Variants in CA10 observed in about 807,000 individuals in gnomAD.
CA10 encodes the protein carbonic anhydrase 10 (inactive).
A neutral mutation model predicts 44.2 loss-of-function variants in CA10; 14 were observed. That is an observed-to-expected ratio of 0.32 (90% CI 0.21 to 0.50). The LOEUF is 0.50. CA10 is among the 20% of genes least tolerant of loss of function. The pLI is 0.99. For missense variants in CA10, 350 were observed against 409.7 expected (o/e 0.85, Z 1.26); for synonymous variants, 159 against 141.6 (o/e 1.12, Z -0.87).
intron 1 of CA10, among the ~76,000 whole-genome samples, chr17:52,087,569 A>G (rs1365868321): frequency 6.6e-6 from 1 of 152,254 alleles, no homozygotes; most frequent in Non-Finnish European, 1.5e-5. Flanking sequence ...CTTTTCTTCA[A>G]CAGCAAATAT....
chr17:51,772,469 C>G lies in CA10; in HGVS notation c.280-24651G>C, dbSNP rs544803102. 2.6e-5 allele frequency among the ~76,000 whole-genome samples: 4 copies of G among 152,166 alleles called. No individual in the cohort carries two copies. In the South Asian group the frequency reaches 8.3e-4, roughly 32 times the overall value. ...GGCTGTTTTTGATATATATATATCC[C>G]TAACATTTCATGTTTCAGTAATTAA... On this transcript the variant is annotated intron_variant, in intron 3 of 8. Coordinates refer to ENST00000451037, the MANE Select transcript of CA10 (RefSeq NM_020178.5).
intron 3 of CA10, among the ~76,000 whole-genome samples, chr17:51,838,648 T>C (rs1314488301): frequency 6.6e-6 from 1 of 152,246 alleles, no homozygotes; most frequent in Non-Finnish European, 1.5e-5. Flanking sequence ...AAAACTTCCA[T>C]AGAAATTCAA....
intron 3 of CA10, among the ~76,000 whole-genome samples, chr17:51,819,379 C>T (rs1181154688): frequency 1.3e-5 from 2 of 152,124 alleles, no homozygotes; most frequent in Admixed American, 6.5e-5. Flanking sequence ...TGGTGGCTCC[C>T]GAGATCCATG....
intron 2 of CA10, among the ~76,000 whole-genome samples, chr17:51,937,876 A>G (rs1982928859): frequency 6.6e-6 from 1 of 152,120 alleles, no homozygotes. Context: ...TTTTAATCCT[A>G]TTGCTTTAGG....
At chr17:51,947,110 C>T (rs1598133280) in intron 2 of CA10, among the ~76,000 whole-genome samples, 1 of 148,950 alleles carries the variant, frequency 6.7e-6, no homozygotes. Flanking sequence ...TCTACTTGGC[C>T]TTTATAATGT....
At chr17:51,661,456 C>G (rs1914004810) in intron 4 of CA10, 2 of 152,192 alleles carry the variant, frequency 1.3e-5, no homozygotes, top group South Asian at 4.1e-4. Flanking sequence ...GAGCAAGTCT[C>G]TCATCTATAA....
intron 2 of CA10, among the ~76,000 whole-genome samples, chr17:51,932,002 A>G (rs1264688762): frequency 6.6e-6 from 1 of 152,126 alleles, no homozygotes; most frequent in Non-Finnish European, 1.5e-5. Flanking sequence ...CTCTGGATCC[A>G]TGTGTCCTTC....
intron 4 of CA10, among the ~76,000 whole-genome samples, chr17:51,716,251 G>A (rs1916110794): frequency 6.6e-6 from 1 of 152,126 alleles, no homozygotes; most frequent in Non-Finnish European, 1.5e-5. Context: ...TCCAGCAAAT[G>A]AGATCGAGTG....
intron 1 of CA10, among the ~76,000 whole-genome samples, chr17:52,146,556 G>A (rs1989590267): frequency 6.6e-6 from 1 of 152,040 alleles, no homozygotes. Context: ...CGGCCGTGGT[G>A]GCGGGCGCCT....
chr17:51,682,856 G>T (rs1305754857), intron 4 of CA10, among the ~76,000 whole-genome samples: 2 of 152,132 alleles, frequency 1.3e-5, no homozygotes, highest in Admixed American at 1.3e-4. Context: ...ACAGTGGCGG[G>T]TGCTTGATAC....
At chr17:51,964,614 C>G (rs779882983) in intron 2 of CA10, among the ~76,000 whole-genome samples, 1 of 151,534 alleles carries the variant, frequency 6.6e-6, no homozygotes, top group Non-Finnish European at 1.5e-5. Flanking sequence ...ATCCCCTGCC[C>G]CCAACAGCAC....
At chr17:51,977,258 C>T (rs976303180) in intron 2 of CA10, among the ~76,000 whole-genome samples, 1 of 151,770 alleles carries the variant, frequency 6.6e-6, no homozygotes, top group African/African-American at 2.4e-5. Flanking sequence ...TGACCAATAC[C>T]TCTCATGAAC....
chr17:52,147,729 A>T (rs1306489507), intron 1 of CA10, among the ~76,000 whole-genome samples: 1 of 152,222 alleles, frequency 6.6e-6, no homozygotes, highest in Non-Finnish European at 1.5e-5. Context: ...ATGGTGCATT[A>T]CAAGACTTAG....
chr17:51,931,842 G>T (rs1982676096), intron 2 of CA10, among the ~76,000 whole-genome samples: 1 of 152,140 alleles, frequency 6.6e-6, no homozygotes, highest in African/African-American at 2.4e-5. Flanking sequence ...CTATTAGAAT[G>T]TATTTCTGTG....
At chr17:51,949,033 TGAA>T (rs1190215520) in intron 2 of CA10, among the ~76,000 whole-genome samples, 1 of 152,158 alleles carries the variant, frequency 6.6e-6, no homozygotes, top group East Asian at 1.9e-4. Flanking sequence ...AATAAAATTA[TGAA>T]GAAGTTAAAA....
chr17:52,031,288 T>C (rs1025640424), intron 2 of CA10, among the ~76,000 whole-genome samples: 1 of 151,998 alleles, frequency 6.6e-6, no homozygotes, highest in African/African-American at 2.4e-5. Flanking sequence ...TAGCTGAGAC[T>C]ACAGGCATGC....
At chr17:51,935,582 G>C (rs1055857339) in intron 2 of CA10, among the ~76,000 whole-genome samples, 1 of 152,132 alleles carries the variant, frequency 6.6e-6, no homozygotes, top group African/African-American at 2.4e-5. Context: ...CTGCATCACA[G>C]CGATGTGTTA....
intron 3 of CA10, among the ~76,000 whole-genome samples, chr17:51,812,333 C>A (rs1346869059): frequency 6.6e-6 from 1 of 152,152 alleles, no homozygotes; most frequent in African/African-American, 2.4e-5. Context: ...GCATTGGTTG[C>A]ATCTATATGG....
upstream of CA10, among the ~76,000 whole-genome samples, chr17:52,159,016 G>A (rs1989885325): frequency 6.6e-6 from 1 of 152,164 alleles, no homozygotes; most frequent in Non-Finnish European, 1.5e-5. Context: ...AGCCGCCTCC[G>A]CACTCCGCCC....
Sources: allele counts gnomAD v4.1 joint callset (sites outside exome capture counted in the v4.1 genomes callset), GRCh38; gene constraint gnomAD v4.1.1; transcripts MANE v1.5; gene names NCBI Gene and HGNC (gene_info 2026-07-23, HGNC 2026-07-21).